Variants in ARHGAP26 observed in about 807,000 individuals in gnomAD.
ARHGAP26 encodes rho GTPase-activating protein 26.
In ARHGAP26, 38 loss-of-function variants were observed where a neutral mutation model predicts 104.8. That is an observed-to-expected ratio of 0.36 (90% confidence interval 0.28 to 0.48). The LOEUF is 0.48. Ranked by LOEUF, ARHGAP26 falls within the 20% of genes least tolerant of loss-of-function variation. ARHGAP26 has a pLI of 0.99. For missense variants in ARHGAP26, 704 were observed against 947.9 expected (o/e 0.74, Z 3.38); for synonymous variants, 341 against 340.0 (o/e 1.00, Z -0.03).
At chr5:143,088,507 G>A (rs958201615) in intron 17 of ARHGAP26, among the ~76,000 whole-genome samples, 1 of 151,938 alleles carries the variant, frequency 6.6e-6, no homozygotes, top group African/African-American at 2.4e-5. Flanking sequence ...TTATTTTCAA[G>A]GTAAGGACCT....
chr5:142,885,403 A>G lies in ARHGAP26; in HGVS notation c.486+4A>G, dbSNP rs757677854. The stretch of plus-strand genomic sequence containing the variant: ...GAAAGAATCTCAGCTTCAGGAGGTA[A>G]GAGACTTTATTAGTATCCTGAATAA... On this transcript the variant is annotated splice_donor_region_variant and intron_variant, in intron 5 of 22. Transcript: ENST00000645722. The G allele has an allele frequency of 1.6e-5, 25 of 1,610,288 alleles. No individual in the cohort carries two copies. Among genetic ancestry groups the G allele is most frequent in the Non-Finnish European group, 2.1e-5 (25 of 1,177,348 alleles).
chr5:142,878,635 G>T (rs1428755369), intron 3 of ARHGAP26, among the ~76,000 whole-genome samples: 2 of 152,152 alleles, frequency 1.3e-5, no homozygotes, highest in African/African-American at 4.8e-5. Flanking sequence ...GGTAGTCAGG[G>T]AAGGCCTCCC....
chr5:142,929,751 T>C (rs1456868571), intron 10 of ARHGAP26, among the ~76,000 whole-genome samples: 6 of 152,340 alleles, frequency 3.9e-5, no homozygotes, highest in East Asian at 3.9e-4. Flanking sequence ...TCTCACACTG[T>C]GTGCCATGAA....
intron 17 of ARHGAP26, among the ~76,000 whole-genome samples, chr5:143,065,445 C>T (rs915898240): frequency 5.3e-5 from 8 of 152,112 alleles, no homozygotes; most frequent in African/African-American, 1.2e-4. Context: ...CAGACTTCTA[C>T]GTATATGAAG....
Position 142,879,433 on chromosome 5 carries a change from C to T in ARHGAP26, c.372C>T (p.Ile124=), listed in dbSNP as rs772422132. ...TGGAGAAGTTTCGAAAGGAACAGAT[C>T]GGGGCTGCCAAGGTGAGAATTTTGC... is the stretch of plus-strand genomic sequence containing the variant. The part of the protein sequence containing the change: ...TPLEKFRKEQ[I]GAAKEAKKKY... The change falls in exon 4 of 23, where the codon ATC becomes ATT. Residue 124 remains isoleucine (I), a synonymous_variant. Transcript: ENST00000645722. 21 of 1,612,770 alleles carry T rather than the reference C, an allele frequency of 1.3e-5. 1 individual carries two copies. Among genetic ancestry groups the T allele is most frequent in the Admixed American group, 8.4e-5 (5 of 59,840 alleles).
At chr5:142,987,796 A>G (rs149466388) in intron 11 of ARHGAP26, among the ~76,000 whole-genome samples, 7,858 of 152,228 alleles carry the variant, frequency 0.052, 430 homozygotes, top group African/African-American at 0.13. Flanking sequence ...GCTGGATTAC[A>G]TTTATTGATT....
intron 20 of ARHGAP26, among the ~76,000 whole-genome samples, chr5:143,197,308 A>T (rs1378157691): frequency 6.6e-6 from 1 of 152,166 alleles, no homozygotes; most frequent in Non-Finnish European, 1.5e-5. Flanking sequence ...TTTGAAAATG[A>T]TTGTAGCAAT....
intron 20 of ARHGAP26, among the ~76,000 whole-genome samples, chr5:143,184,318 T>C (rs988834087): frequency 2.6e-5 from 4 of 152,298 alleles, no homozygotes; most frequent in Middle Eastern, 3.4e-3. Flanking sequence ...CCTGAATTAA[T>C]GTATTATTGC....
intron 11 of ARHGAP26, among the ~76,000 whole-genome samples, chr5:142,963,945 C>T (rs1770832107): frequency 6.6e-6 from 1 of 152,048 alleles, no homozygotes; most frequent in Non-Finnish European, 1.5e-5. Context: ...AAAAAGTAAC[C>T]AGAATTCACG....
At chr5:143,197,984 C>T (rs1274111712) in intron 20 of ARHGAP26, among the ~76,000 whole-genome samples, 9 of 152,174 alleles carry the variant, frequency 5.9e-5, no homozygotes, top group Non-Finnish European at 1.0e-4. Context: ...TCCAGTTCCC[C>T]ACTCTCAACC....
chr5:142,970,629 T>C (rs1181299782), intron 11 of ARHGAP26, among the ~76,000 whole-genome samples: 1 of 152,202 alleles, frequency 6.6e-6, no homozygotes, highest in African/African-American at 2.4e-5. Context: ...AGAGGGCAGA[T>C]AGAATATGCT....
At chr5:143,041,412 A>G (rs1562312975) in intron 13 of ARHGAP26, 2 of 169,194 alleles carry the variant, frequency 1.2e-5, no homozygotes, top group African/African-American at 4.8e-5. Context: ...GTAAAAATAG[A>G]TTATAAAGTG....
At chr5:143,010,556 G>T (rs191499814) in intron 11 of ARHGAP26, among the ~76,000 whole-genome samples, 12 of 152,274 alleles carry the variant, frequency 7.9e-5, no homozygotes, top group African/African-American at 2.9e-4. Flanking sequence ...CTGGTAAGCA[G>T]GATTTGTTAG....
intron 17 of ARHGAP26, among the ~76,000 whole-genome samples, chr5:143,092,160 T>G (rs560706737): frequency 3.2e-5 from 4 of 124,592 alleles, no homozygotes; most frequent in African/African-American, 8.1e-5. Flanking sequence ...ATCCCTTTGT[T>G]TTTTTTTTTG....
At chr5:142,975,729 C>T (rs893299902) in intron 11 of ARHGAP26, among the ~76,000 whole-genome samples, 4 of 152,100 alleles carry the variant, frequency 2.6e-5, no homozygotes, top group African/African-American at 7.2e-5. Flanking sequence ...TATTACCCAG[C>T]GTCCCTGAGA....
intron 4 of ARHGAP26, among the ~76,000 whole-genome samples, chr5:142,880,892 A>C (rs185786538): frequency 1.4e-3 from 217 of 150,354 alleles, no homozygotes; most frequent in Non-Finnish European, 2.6e-3. Flanking sequence ...TGAAAGAGGG[A>C]CTGTGGCAAA....
intron 1 of ARHGAP26, among the ~76,000 whole-genome samples, chr5:142,805,549 G>A (rs1333865791): frequency 1.3e-5 from 2 of 152,196 alleles, no homozygotes; most frequent in African/African-American, 4.8e-5. Flanking sequence ...GAGTGGAATT[G>A]CTAGGTCATG....
chr5:142,951,022 T>C (rs138608375), intron 11 of ARHGAP26, among the ~76,000 whole-genome samples: 5 of 13,214 alleles, frequency 3.8e-4, no homozygotes, highest in Middle Eastern at 0.056. Context: ...CCTTTCCCTT[T>C]CTCTTTCCCT....
In ARHGAP26 at chr5:142,794,138, A is replaced by T. The variant is rs1760467661; in HGVS notation, c.154+23223A>T. On this transcript the variant is annotated intron_variant, in intron 1 of 22. Transcript: ENST00000645722. ...CTCCACTCTTCTCTAGGCTGGCGCC[A>T]TTCTCAGGCAGTCTTTTCCTTCACA... Among the ~76,000 whole-genome samples, 5 of 152,218 alleles carry T rather than the reference A, an allele frequency of 3.3e-5. No homozygotes were observed. In the South Asian group the frequency reaches 1.0e-3, roughly 31 times the overall value.
Sources: allele counts gnomAD v4.1 joint callset (sites outside exome capture counted in the v4.1 genomes callset), GRCh38; gene constraint gnomAD v4.1.1; transcripts MANE v1.5; gene names NCBI Gene and HGNC (gene_info 2026-07-23, HGNC 2026-07-21).